TASOR: variants seen among roughly 807,000 people sequenced by gnomAD.
TASOR encodes the protein protein TASOR.
Under a neutral mutation model 178.6 loss-of-function variants are expected in TASOR, and 53 were observed. The ratio of observed to expected loss-of-function variants is 0.30; its 90% confidence interval spans 0.24 to 0.37. The LOEUF (loss-of-function observed/expected upper bound fraction) is 0.37, where lower values mean the gene tolerates loss of function less well. Among genes scored for constraint, TASOR ranks in the 10% least tolerant of loss-of-function variants. TASOR has a pLI of 1.00. For missense variants in TASOR, 1,815 were observed against 1,971.4 expected (o/e 0.92, Z 1.50); for synonymous variants, 713 against 696.2 (o/e 1.02, Z -0.38).
In TASOR at chr3:56,624,696, C is replaced by T. The variant is rs555904876; in HGVS notation, c.4319-53G>A. On this transcript the variant is annotated intron_variant, in intron 22 of 23. Transcript: ENST00000683822. ...TGAAACACTTCAAAATATAGACAGC[C>T]CCTAGCCCTCACAAAATCTTTTCCT... 5.5e-5 allele frequency: 86 copies of T among 1,556,540 alleles called. No homozygotes were observed. The East Asian group carries it at 1.8e-3, about 33-fold the overall frequency.
intron 2 of TASOR, among the ~76,000 whole-genome samples, chr3:56,672,166 T>G (rs1004491493): frequency 6.6e-6 from 1 of 152,100 alleles, no homozygotes; most frequent in Non-Finnish European, 1.5e-5. Context: ...GATGGAAGAG[T>G]GACTTTTTCT....
At chr3:56,661,159 T>C (rs2077585319) in intron 9 of TASOR, 142 bp from the exon 10 acceptor site, 1 of 623,504 alleles carries the variant, frequency 1.6e-6, no homozygotes, top group African/African-American at 1.8e-5. Context: ...AGATCTTTTG[T>C]TTCGTTTGTG....
At position 56,653,262 on chromosome 3, in the gene TASOR, C is replaced by CAAAAAAAAAAA. The variant is rs1176419181; in HGVS notation, c.1369-4216_1369-4206dup. On this transcript the variant is annotated intron_variant, in intron 11 of 23. Transcript: ENST00000683822. Reference sequence around the variant, plus strand: ...TGGGCAACAGAGTGAGACTCCATCTCAAAAAAAAAAAAAAAAAAAAAAAAA... The same window carrying CAAAAAAAAAAA: ...TGGGCAACAGAGTGAGACTCCATCTCAAAAAAAAAAAAAAAAAAAAAAAAAAAAAAAAAAAA... 3.8e-3 allele frequency among the ~76,000 whole-genome samples: 19 copies of CAAAAAAAAAAA among 4,956 alleles called. 2 individuals are homozygous for CAAAAAAAAAAA. Among genetic ancestry groups the CAAAAAAAAAAA allele is most frequent in the Non-Finnish European group, 4.9e-3 (12 of 2,474 alleles). 3.3% of individuals were successfully genotyped at this position (4,956 alleles called of 152,430 possible).
intron 18 of TASOR, among the ~76,000 whole-genome samples, chr3:56,632,521 A>G (rs1351816485): frequency 6.6e-6 from 1 of 152,138 alleles, no homozygotes; most frequent in East Asian, 1.9e-4. Context: ...CTTCAAATCA[A>G]GTTTAAAAGG....
At chr3:56,653,486 C>T (rs1224755872) in intron 11 of TASOR, among the ~76,000 whole-genome samples, 3 of 151,036 alleles carry the variant, frequency 2.0e-5, no homozygotes, top group Admixed American at 6.6e-5. Context: ...AGCCAGGGGG[C>T]GGCAGGGGAC....
At position 56,633,287 on chromosome 3, in the gene TASOR, T is replaced by C. The variant is rs764700418; in HGVS notation, c.3504A>G (p.Thr1168=). 3 of 1,614,182 alleles carry C rather than the reference T, an allele frequency of 1.9e-6. No individual in the cohort carries two copies. The South Asian group carries it at 3.3e-5, about 18-fold the overall frequency. The part of the protein sequence containing the change: ...EVEMNQPQHA[T]ELMVTSDHIV... The stretch of plus-strand genomic sequence containing the variant: ...TATGATCAGAAGTCACCATTAACTC[T>C]GTGGCATGTTGAGGCTGGTTCATTT... Residue 1168 remains threonine (T), a synonymous_variant, in exon 18 of 24, where the codon ACA becomes ACG. Coordinates refer to ENST00000683822, the MANE Select transcript of TASOR (RefSeq NM_001365635.2).
chr3:56,654,403 T>TGGG (rs1559838476), intron 11 of TASOR, among the ~76,000 whole-genome samples: 20 of 127,312 alleles, frequency 1.6e-4, no homozygotes, highest in South Asian at 5.2e-4. Flanking sequence ...TGGGCGGGGT[T>TGGG]GGGGGGTGGT....
chr3:56,667,343 AT>A (rs1254421532), intron 6 of TASOR, among the ~76,000 whole-genome samples: 2 of 152,074 alleles, frequency 1.3e-5, no homozygotes, highest in East Asian at 3.9e-4. Context: ...GGTTATAGAC[AT>A]TTTTTTTAAT....
Position 56,624,697 on chromosome 3 carries a change from C to A in TASOR, c.4319-54G>T, listed in dbSNP as rs1233587890. 6.4e-6 allele frequency: 10 copies of A among 1,556,942 alleles called. No individual in the cohort carries two copies. In the Admixed American group the frequency reaches 1.7e-4, roughly 27 times the overall value. ...GAAACACTTCAAAATATAGACAGCC[C>A]CTAGCCCTCACAAAATCTTTTCCTT... On this transcript the variant is annotated intron_variant, in intron 22 of 23. Coordinates refer to ENST00000683822, the MANE Select transcript of TASOR (RefSeq NM_001365635.2).
chr3:56,644,873 C>T (rs2077203522), intron 14 of TASOR, among the ~76,000 whole-genome samples: 1 of 152,192 alleles, frequency 6.6e-6, no homozygotes, highest in Non-Finnish European at 1.5e-5. Flanking sequence ...TGTACTAATA[C>T]AATGGTGTGG....
At chr3:56,680,009 G>A (rs972372292) in intron 1 of TASOR, among the ~76,000 whole-genome samples, 20 of 152,100 alleles carry the variant, frequency 1.3e-4, no homozygotes, top group Non-Finnish European at 1.6e-4. Flanking sequence ...CCCCAAGGAT[G>A]AAAACATACT....
intron 14 of TASOR, among the ~76,000 whole-genome samples, chr3:56,644,562 G>A (rs1020843924): frequency 6.6e-6 from 1 of 152,152 alleles, no homozygotes; most frequent in African/African-American, 2.4e-5. Flanking sequence ...ACATGTGAGA[G>A]AACAGTGGGA....
Position 56,675,638 on chromosome 3 carries a change from A to T in TASOR, c.332-1913T>A, listed in dbSNP as rs545519053. ...TATTTCCCCAAATCAAAAAGGAACC[A>T]CTTTTCACTGTAGAGAGAACTACTC... On this transcript the variant is annotated intron_variant, in intron 1 of 23. Transcript: ENST00000683822. Among the ~76,000 whole-genome samples the T allele has an allele frequency of 8.5e-5, 13 of 152,284 alleles. No individual in the cohort carries two copies. The South Asian group carries it at 2.7e-3, about 32-fold the overall frequency.
At chr3:56,634,929 A>C (rs980339726) in intron 17 of TASOR, among the ~76,000 whole-genome samples, 1 of 152,196 alleles carries the variant, frequency 6.6e-6, no homozygotes, top group African/African-American at 2.4e-5. Flanking sequence ...GAAAGGACAA[A>C]AACTCATGAT....
At chr3:56,653,451 CA>C (rs1341273767) in intron 11 of TASOR, among the ~76,000 whole-genome samples, 306 of 137,362 alleles carry the variant, frequency 2.2e-3, no homozygotes, top group Non-Finnish European at 2.2e-3. Context: ...CATCAAAGAC[CA>C]AAAAAAAAAA....
chr3:56,648,934 CT>C, intron 12 of TASOR, 41 bp from the exon 13 acceptor site: 1 of 1,598,176 alleles, frequency 6.3e-7, no homozygotes, highest in African/African-American at 1.4e-5. Flanking sequence ...TGTGTTTTAA[CT>C]AAAAAGTTAA....
intron 14 of TASOR, among the ~76,000 whole-genome samples, chr3:56,645,028 C>T (rs200752058): frequency 6.6e-6 from 1 of 152,292 alleles, no homozygotes; most frequent in East Asian, 1.9e-4. Context: ...AATCCCAGCA[C>T]TTTGGGAGGC....
At chr3:56,678,410 T>C (rs1044562135) in intron 1 of TASOR, among the ~76,000 whole-genome samples, 3 of 151,836 alleles carry the variant, frequency 2.0e-5, no homozygotes, top group African/African-American at 7.3e-5. Context: ...CTCAAACTCC[T>C]GACCTCGTGA....
intron 11 of TASOR, 95 bp downstream of exon 11, chr3:56,660,636 C>A (rs9820759): frequency 0.32 from 287,420 of 912,432 alleles, 47,227 homozygotes; most frequent in Admixed American, 0.48. Flanking sequence ...ATGGTACTTT[C>A]AGAGGCAAAA....
Sources: gnomAD v4.1 joint callset for allele counts (sites outside exome capture counted in the v4.1 genomes callset) on GRCh38, gnomAD v4.1.1 for gene constraint, MANE v1.5 for transcripts, NCBI Gene and HGNC (gene_info 2026-07-23, HGNC 2026-07-21) for gene names.